Variants in PCDHGA12 observed in about 807,000 individuals in gnomAD.
PCDHGA12 encodes protocadherin gamma subfamily A, 12.
In PCDHGA12, 43 loss-of-function variants were observed where a neutral mutation model predicts 61.1. The ratio of observed to expected loss-of-function variants is 0.70; its 90% confidence interval spans 0.55 to 0.91. PCDHGA12 has a LOEUF of 0.91. PCDHGA12 is among the 40% of genes least tolerant of loss of function. The probability of loss-of-function intolerance (pLI) is 0.00; values close to 1 mark genes in which losing one functional copy is unlikely to be tolerated. For synonymous variants in PCDHGA12, 520 were observed against 542.9 expected (o/e 0.96, Z 0.59); for missense variants, 1,236 against 1,227.7 (o/e 1.01, Z -0.10).
intron 1 of PCDHGA12, among the ~76,000 whole-genome samples, chr5:141,481,555 C>T (rs1013876865): frequency 3.3e-5 from 5 of 152,164 alleles, no homozygotes; most frequent in South Asian, 2.1e-4. Flanking sequence ...CAGTGGCTCA[C>T]GCCTGTAATC....
At position 141,448,827 on chromosome 5, in the gene PCDHGA12, C is replaced by T. The variant is rs540550537; in HGVS notation, c.2424+15644C>T. ...AGGCGTGATGGCGGGCGCCTGTAGT[C>T]CCAGCTACTCTGGAGGCTGAGGCAG... On this transcript the variant is annotated intron_variant, in intron 1 of 3. Transcript: ENST00000252085. Among the ~76,000 whole-genome samples the T allele has an allele frequency of 1.6e-4, 25 of 152,108 alleles. No homozygotes were observed. In the South Asian group the frequency reaches 4.2e-3, roughly 25 times the overall value.
chr5:141,456,327 G>C (rs917430790), intron 1 of PCDHGA12, among the ~76,000 whole-genome samples: 1 of 152,186 alleles, frequency 6.6e-6, no homozygotes, highest in African/African-American at 2.4e-5. Flanking sequence ...TCCTGGGGTT[G>C]ATCTAAGGGT....
rs2099419063 is a variant in PCDHGA12 at position 141,477,824 on chromosome 5, C to G, written c.2425-16983C>G. On this transcript the variant is annotated intron_variant, in intron 1 of 3. Coordinates refer to ENST00000252085, the MANE Select transcript of PCDHGA12 (RefSeq NM_003735.3). This position sits in a 1 kb window ranked among gnomAD's most constrained non-coding sequence, Gnocchi z 4.9. ...TGACAATGCCCCCCAGGTCCTATAT[C>G]CTCGGCCAGGTGGGAGCTCGGTGGA... is the stretch of plus-strand genomic sequence containing the variant. 5.6e-6 allele frequency: 9 copies of G among 1,614,196 alleles called. No individual in the cohort carries two copies. The highest frequency in any genetic ancestry group is 5.9e-6 in the Non-Finnish European group (7 of 1,180,034).
At chr5:141,447,209 G>A (rs1004956165) in intron 1 of PCDHGA12, among the ~76,000 whole-genome samples, 3 of 151,850 alleles carry the variant, frequency 2.0e-5, no homozygotes, top group East Asian at 3.9e-4. Context: ...GCTTGATCTC[G>A]GCTCACTGCA....
intron 1 of PCDHGA12, among the ~76,000 whole-genome samples, chr5:141,448,001 G>A (rs143950707): frequency 0.046 from 7,030 of 151,928 alleles, 245 homozygotes; most frequent in African/African-American, 0.093. Context: ...CATGAGAATC[G>A]CTTGAACCCA....
intron 3 of PCDHGA12, among the ~76,000 whole-genome samples, chr5:141,507,625 G>C (rs2099862215): frequency 6.6e-6 from 1 of 152,256 alleles, no homozygotes; most frequent in Non-Finnish European, 1.5e-5. Context: ...AGCTGTTGTG[G>C]CCTTGCGCCC....
Position 141,489,087 on chromosome 5 carries a change from TGA to T in PCDHGA12, c.2425-5719_2425-5718del. The T allele has an allele frequency of 4.6e-6, 1 of 216,098 alleles. No individual in the cohort carries two copies. 13.4% of individuals were successfully genotyped at this position (216,098 alleles called of 1,614,324 possible). ...CCCCCTGCCCACCCCCGCCACTCGGTGACTAAGAACTGCTGCAAGCAGGCAAA... is the reference window on the plus strand; with the variant it reads ...CCCCCTGCCCACCCCCGCCACTCGGTCTAAGAACTGCTGCAAGCAGGCAAA... On this transcript the variant is annotated intron_variant, in intron 1 of 3. Transcript: ENST00000252085. The surrounding 1 kb of genome is among the most constrained non-coding windows in gnomAD (Gnocchi z 4.5).
chr5:141,433,742 C>T lies in PCDHGA12; in HGVS notation c.2424+559C>T, dbSNP rs927651405. 2.6e-5 allele frequency among the ~76,000 whole-genome samples: 4 copies of T among 150,944 alleles called. No homozygotes were observed. The East Asian group carries it at 7.9e-4, about 30-fold the overall frequency. On this transcript the variant is annotated intron_variant, in intron 1 of 3. Coordinates refer to ENST00000252085, the MANE Select transcript of PCDHGA12 (RefSeq NM_003735.3). Reference sequence around the variant, plus strand: ...ATCCCAGCTACTTGGGAGGCTGAGTCAGGAGAATTGCTTTAACCTGGGAGG... The same window carrying T: ...ATCCCAGCTACTTGGGAGGCTGAGTTAGGAGAATTGCTTTAACCTGGGAGG...
chr5:141,458,273 G>C, intron 1 of PCDHGA12, among the ~76,000 whole-genome samples: 1 of 152,158 alleles, frequency 6.6e-6, no homozygotes, highest in Non-Finnish European at 1.5e-5. Context: ...AGGAACAACA[G>C]GGTTCCTGGT....
intron 1 of PCDHGA12, among the ~76,000 whole-genome samples, chr5:141,446,686 C>T (rs574630887): frequency 1.3e-5 from 2 of 152,294 alleles, no homozygotes; most frequent in African/African-American, 4.8e-5. Context: ...CCATATTGGC[C>T]AGGCTGGTCT....
At chr5:141,460,010 G>A (rs376180479) in intron 1 of PCDHGA12, among the ~76,000 whole-genome samples, 1 of 152,126 alleles carries the variant, frequency 6.6e-6, no homozygotes, top group Admixed American at 6.5e-5. Context: ...CCCAGGAGGC[G>A]GAGGTTGCAG....
At chr5:141,502,866 C>CTTTTTTTTTTTTTTTT (rs549047197) in intron 2 of PCDHGA12, among the ~76,000 whole-genome samples, 4 of 128,044 alleles carry the variant, frequency 3.1e-5, no homozygotes, top group African/African-American at 3.1e-5. Context: ...GACTCTCTGT[C>CTTTTTTTTTTTTTTTT]TTTTTTTTTT....
In PCDHGA12 at chr5:141,433,074, A is replaced by C; in HGVS notation, c.2315A>C (p.Gln772Pro). ...DSRKSHLIFP[Q>P]PNYADMLVSQ... ...CGGAAGAGTCACCTGATCTTCCCCC[A>C]GCCCAACTATGCAGACATGCTCGTC... The change falls in exon 1 of 4, where the codon CAG becomes CCG. Residue 772 changes from glutamine to proline, a missense_variant. Coordinates refer to ENST00000252085, the MANE Select transcript of PCDHGA12 (RefSeq NM_003735.3). 6.2e-7 allele frequency: 1 copy of C among 1,614,218 alleles called. No individual in the cohort carries two copies. Among genetic ancestry groups the C allele is most frequent in the East Asian group, 2.2e-5 (1 of 44,874 alleles).
chr5:141,507,716 C>T (rs567867232), intron 3 of PCDHGA12, among the ~76,000 whole-genome samples: 1 of 152,372 alleles, frequency 6.6e-6, no homozygotes, highest in South Asian at 2.1e-4. Flanking sequence ...CCCAAACCCT[C>T]CAAGCAAGTC....
At chr5:141,473,167 C>T (rs1360150717) in intron 1 of PCDHGA12, among the ~76,000 whole-genome samples, 2 of 152,122 alleles carry the variant, frequency 1.3e-5, no homozygotes. Flanking sequence ...TAGGAAGGCC[C>T]ACTGGTAACT....
chr5:141,478,465 C>T (rs768021356), intron 1 of PCDHGA12: 6 of 1,613,730 alleles, frequency 3.7e-6, no homozygotes, highest in Non-Finnish European at 5.1e-6. Context: ...GTCCACTGGC[C>T]AGCCGCCAGA....
intron 3 of PCDHGA12, among the ~76,000 whole-genome samples, 153 bp from the exon 4 acceptor site, chr5:141,510,790 GAAGA>G (rs982513431): frequency 6.6e-5 from 10 of 152,264 alleles, no homozygotes; most frequent in African/African-American, 2.4e-4. Context: ...CAACTCTTGT[GAAGA>G]GAGACTACCT....
At chr5:141,446,450 T>C (rs922188307) in intron 1 of PCDHGA12, among the ~76,000 whole-genome samples, 2 of 152,018 alleles carry the variant, frequency 1.3e-5, no homozygotes, top group Non-Finnish European at 2.9e-5. Context: ...AGTGCAGATA[T>C]TCAGTGTGTG....
intron 2 of PCDHGA12, among the ~76,000 whole-genome samples, chr5:141,499,370 AT>A (rs932083472): frequency 2.0e-5 from 3 of 152,170 alleles, no homozygotes. Context: ...TAGCAACTTA[AT>A]TTTTTTCCAC....
Sources: allele counts gnomAD v4.1 joint callset (sites outside exome capture counted in the v4.1 genomes callset), GRCh38; gene constraint gnomAD v4.1.1; non-coding constraint Gnocchi (gnomAD v3.1); transcripts MANE v1.5; gene names NCBI Gene and HGNC (gene_info 2026-07-23, HGNC 2026-07-21).